KCNH8: variants seen among roughly 807,000 people sequenced by gnomAD.
The protein encoded by KCNH8 is voltage-gated delayed rectifier potassium channel KCNH8.
In KCNH8, 70 loss-of-function variants were observed where a neutral mutation model predicts 103.6. The ratio of observed to expected loss-of-function variants is 0.68; its 90% CI spans 0.56 to 0.82. The LOEUF (loss-of-function observed/expected upper bound fraction) is 0.82, where lower values mean the gene tolerates loss of function less well. Among genes scored for constraint, KCNH8 ranks in the 40% least tolerant of loss-of-function variants. KCNH8 has a pLI of 0.00. For synonymous variants in KCNH8, 498 were observed against 489.4 expected (o/e 1.02, Z -0.23); for missense variants, 1,217 against 1,329.9 (o/e 0.92, Z 1.32).
chr3:19,523,259 G>A (rs1255062118), intron 15 of KCNH8, among the ~76,000 whole-genome samples: 2 of 151,822 alleles, frequency 1.3e-5, no homozygotes, highest in Non-Finnish European at 2.9e-5. Flanking sequence ...AGATATTACA[G>A]AAATGTCCTT....
In KCNH8 at chr3:19,293,641, G is replaced by A. The variant is rs75989885; in HGVS notation, c.442+12312G>A. Among the ~76,000 whole-genome samples the A allele has an allele frequency of 4.4e-3, 665 of 152,312 alleles. 4 individuals are homozygous for A. The highest frequency in any genetic ancestry group is 0.015 in the African/African-American group (611 of 41,554). The stretch of plus-strand genomic sequence containing the variant: ...CAGATTAAGCTAATTCATCTTCAGC[G>A]ATTCCGTTACATCACCCTGTTCATT... On this transcript the variant is annotated intron_variant, in intron 3 of 15. Coordinates refer to ENST00000328405, the MANE Select transcript of KCNH8 (RefSeq NM_144633.3).
intron 3 of KCNH8, among the ~76,000 whole-genome samples, chr3:19,294,175 TGTTAA>T (rs1376237960): frequency 6.6e-6 from 1 of 152,182 alleles, no homozygotes; most frequent in African/African-American, 2.4e-5. Context: ...ACTCTTCTGT[TGTTAA>T]GTTTACAAGA....
chr3:19,519,794 T>C (rs559846763), intron 15 of KCNH8, among the ~76,000 whole-genome samples: 2 of 152,066 alleles, frequency 1.3e-5, no homozygotes, highest in African/African-American at 4.8e-5. Flanking sequence ...TCAATACCAT[T>C]TGAATTCTTT....
At chr3:19,237,267 T>C (rs2125242322) in intron 1 of KCNH8, among the ~76,000 whole-genome samples, 1 of 152,330 alleles carries the variant, frequency 6.6e-6, no homozygotes, top group Non-Finnish European at 1.5e-5. Context: ...GAGCTGCCCA[T>C]GGCCTCTGTG....
chr3:19,230,990 A>T (rs1474738122), intron 1 of KCNH8, among the ~76,000 whole-genome samples: 1 of 152,226 alleles, frequency 6.6e-6, no homozygotes, highest in East Asian at 1.9e-4. Context: ...AATTTTAAAA[A>T]ATCTGAACAA....
intron 1 of KCNH8, among the ~76,000 whole-genome samples, chr3:19,177,694 A>G (rs1291791203): frequency 6.6e-6 from 1 of 152,090 alleles, no homozygotes; most frequent in African/African-American, 2.4e-5. Flanking sequence ...GTTGATGTGC[A>G]AAAGAAAGTC....
At chr3:19,217,055 A>G (rs1253176127) in intron 1 of KCNH8, among the ~76,000 whole-genome samples, 1 of 152,196 alleles carries the variant, frequency 6.6e-6, no homozygotes. Flanking sequence ...AGCAAGATGC[A>G]CCTCGTGAGG....
intron 5 of KCNH8, among the ~76,000 whole-genome samples, chr3:19,353,728 G>A (rs547278493): frequency 4.8e-4 from 73 of 152,132 alleles, no homozygotes; most frequent in African/African-American, 1.6e-3. Context: ...TTGATGGGAC[G>A]TATCTCAAAA....
chr3:19,300,110 A>G (rs1164382859), intron 3 of KCNH8, among the ~76,000 whole-genome samples: 1 of 151,994 alleles, frequency 6.6e-6, no homozygotes. Flanking sequence ...TTAGCCAGGC[A>G]TGGTGGCATG....
chr3:19,354,595 A>C (rs2065852605), intron 5 of KCNH8, among the ~76,000 whole-genome samples: 1 of 152,198 alleles, frequency 6.6e-6, no homozygotes, highest in African/African-American at 2.4e-5. Flanking sequence ...CAACCATCTG[A>C]TCTTTGACAA....
chr3:19,258,656 G>A (rs778555446), intron 2 of KCNH8, among the ~76,000 whole-genome samples: 1 of 151,820 alleles, frequency 6.6e-6, no homozygotes, highest in Non-Finnish European at 1.5e-5. Flanking sequence ...AGTGAGTGAA[G>A]ATTGAACTTT....
At chr3:19,187,588 C>T (rs528642927) in intron 1 of KCNH8, among the ~76,000 whole-genome samples, 1 of 152,130 alleles carries the variant, frequency 6.6e-6, no homozygotes, top group Non-Finnish European at 1.5e-5. Flanking sequence ...TATTCTCTTT[C>T]ACAATTGGTT....
chr3:19,284,945 G>A (rs943489614), intron 3 of KCNH8, among the ~76,000 whole-genome samples: 1 of 151,448 alleles, frequency 6.6e-6, no homozygotes, highest in African/African-American at 2.4e-5. Flanking sequence ...GGAAGGGAAT[G>A]TCTACTTAGT....
At chr3:19,250,835 C>G (rs975395982) in intron 1 of KCNH8, among the ~76,000 whole-genome samples, 1 of 152,102 alleles carries the variant, frequency 6.6e-6, no homozygotes, top group Non-Finnish European at 1.5e-5. Context: ...AGAGATCATG[C>G]TTATTCTTCT....
At chr3:19,314,545 G>C (rs1251823807) in intron 3 of KCNH8, among the ~76,000 whole-genome samples, 3 of 151,954 alleles carry the variant, frequency 2.0e-5, no homozygotes, top group African/African-American at 7.2e-5. Context: ...AGTCTGGCCT[G>C]TGCTACAGAA....
intron 15 of KCNH8, among the ~76,000 whole-genome samples, chr3:19,525,747 A>G (rs1245565484): frequency 6.6e-6 from 1 of 151,958 alleles, no homozygotes; most frequent in Admixed American, 6.6e-5. Context: ...CTGCAAAAGT[A>G]AAACCCTGGT....
At chr3:19,468,035 C>T (rs1248325583) in intron 11 of KCNH8, among the ~76,000 whole-genome samples, 2 of 152,168 alleles carry the variant, frequency 1.3e-5, no homozygotes, top group African/African-American at 4.8e-5. Context: ...CTCCTCTGCC[C>T]TTACCTGACA....
chr3:19,345,982 CT>C (rs765954618), intron 4 of KCNH8, among the ~76,000 whole-genome samples: 10 of 152,004 alleles, frequency 6.6e-5, no homozygotes, highest in Non-Finnish European at 1.2e-4. Flanking sequence ...AAAAACTTCA[CT>C]TTTGAGTTTT....
chr3:19,245,984 A>G (rs1173092292), intron 1 of KCNH8, among the ~76,000 whole-genome samples: 4 of 152,170 alleles, frequency 2.6e-5, no homozygotes, highest in African/African-American at 9.6e-5. Flanking sequence ...CTAAGGGACA[A>G]TAAACCTGAC....
Sources: allele counts gnomAD v4.1 joint callset (sites outside exome capture counted in the v4.1 genomes callset), GRCh38; gene constraint gnomAD v4.1.1; transcripts MANE v1.5; gene names NCBI Gene and HGNC (gene_info 2026-07-23, HGNC 2026-07-21).